Variants in PRR16 observed in about 807,000 individuals in gnomAD.
The protein encoded by PRR16 is proline rich 16.
Under a neutral mutation model 18.2 loss-of-function variants are expected in PRR16, and 6 were observed. That is an observed-to-expected ratio of 0.33 (90% CI 0.18 to 0.65). PRR16 has a LOEUF of 0.65. Among genes scored for constraint, PRR16 ranks in the 30% least tolerant of loss-of-function variants. The pLI is 0.74. For missense variants in PRR16, 412 were observed against 376.6 expected (o/e 1.09, Z -0.78); for synonymous variants, 151 against 147.8 (o/e 1.02, Z -0.16).
chr5:120,757,296 G>T, the PRR16 span, among the ~76,000 whole-genome samples: 1 of 152,012 alleles, frequency 6.6e-6, no homozygotes, highest in African/African-American at 2.4e-5. Flanking sequence ...CTTTGGCTAT[G>T]CAGGTTCTTT....
At chr5:120,738,879 A>G in the PRR16 span, among the ~76,000 whole-genome samples, 1 of 152,178 alleles carries the variant, frequency 6.6e-6, no homozygotes, top group African/African-American at 2.4e-5. Flanking sequence ...AAGATGAACT[A>G]AAAGGAACTG....
intron 1 of PRR16, among the ~76,000 whole-genome samples, chr5:120,469,479 T>C (rs1749201434): frequency 6.6e-6 from 1 of 150,480 alleles, no homozygotes; most frequent in African/African-American, 2.5e-5. Context: ...TGCGCCGCCA[T>C]GCCTGGCTAA....
At chr5:120,771,038 A>C in the PRR16 span, among the ~76,000 whole-genome samples, 1 of 151,406 alleles carries the variant, frequency 6.6e-6, no homozygotes, top group Non-Finnish European at 1.5e-5. Flanking sequence ...TTTAATTTTT[A>C]AGATAATATA....
At chr5:120,578,435 C>T (rs116026257) in intron 1 of PRR16, among the ~76,000 whole-genome samples, 31,063 of 151,978 alleles carry the variant, frequency 0.2, 3,859 homozygotes, top group Middle Eastern at 0.35. Flanking sequence ...TTGTGTTGTT[C>T]CCCTCTCTGT....
chr5:120,540,357 G>A (rs975539511), intron 1 of PRR16, among the ~76,000 whole-genome samples: 5 of 151,940 alleles, frequency 3.3e-5, no homozygotes, highest in Non-Finnish European at 7.4e-5. Context: ...CATGATTTTC[G>A]GGCTTGGTCT....
At chr5:120,626,323 CA>C (rs900104578) in intron 1 of PRR16, among the ~76,000 whole-genome samples, 115 of 151,858 alleles carry the variant, frequency 7.6e-4, no homozygotes, top group African/African-American at 2.5e-3. Flanking sequence ...GGATGAACCA[CA>C]AAAAAAGCCC....
At chr5:120,633,439 A>G (rs1218125397) in intron 1 of PRR16, among the ~76,000 whole-genome samples, 4 of 152,196 alleles carry the variant, frequency 2.6e-5, no homozygotes, top group Non-Finnish European at 5.9e-5. Context: ...AGAATGGATA[A>G]GAACTCGCCA....
intron 1 of PRR16, among the ~76,000 whole-genome samples, chr5:120,584,601 AT>A (rs1317789056): frequency 6.6e-6 from 1 of 152,084 alleles, no homozygotes; most frequent in South Asian, 2.1e-4. Context: ...TTCTTAAATC[AT>A]TTTTTTAGAT....
At chr5:120,607,391 AAAAC>A (rs1232749747) in intron 1 of PRR16, among the ~76,000 whole-genome samples, 1 of 152,222 alleles carries the variant, frequency 6.6e-6, no homozygotes, top group African/African-American at 2.4e-5. Flanking sequence ...GGAAGAAACT[AAAAC>A]AAACTTTTTA....
intron 1 of PRR16, among the ~76,000 whole-genome samples, chr5:120,633,898 T>A (rs1755142769): frequency 6.6e-6 from 1 of 151,836 alleles, no homozygotes; most frequent in Admixed American, 6.6e-5. Context: ...AGACAGAAAG[T>A]CAGCAAACAA....
At chr5:120,683,659 C>CACTTTTTAATTTAAT in intron 1 of PRR16, among the ~76,000 whole-genome samples, 1 of 152,010 alleles carries the variant, frequency 6.6e-6, no homozygotes, top group Non-Finnish European at 1.5e-5. Context: ...TAATTGTATG[C>CACTTTTTAATTTAAT]TACTGTACAT....
intron 1 of PRR16, among the ~76,000 whole-genome samples, chr5:120,521,062 C>G (rs1318099806): frequency 2.6e-5 from 4 of 152,066 alleles, no homozygotes; most frequent in Non-Finnish European, 5.9e-5. Context: ...TGGATACAGT[C>G]AATTCTAGTG....
At chr5:120,607,940 A>G (rs574543450) in intron 1 of PRR16, among the ~76,000 whole-genome samples, 3 of 152,024 alleles carry the variant, frequency 2.0e-5, no homozygotes, top group South Asian at 4.2e-4. Context: ...GTAGAGTTCT[A>G]CTCTTTTATA....
chr5:120,604,288 C>T (rs987563578), intron 1 of PRR16, among the ~76,000 whole-genome samples: 7 of 151,892 alleles, frequency 4.6e-5, no homozygotes, highest in African/African-American at 1.7e-4. Context: ...TTGAATTGAA[C>T]CCTTTATTAT....
chr5:120,525,636 TAGGC>T (rs1403808249), intron 1 of PRR16, among the ~76,000 whole-genome samples: 4 of 151,422 alleles, frequency 2.6e-5, no homozygotes, highest in Admixed American at 6.6e-5. Context: ...TTGTAACTCT[TAGGC>T]AGGAAATTCT....
At chr5:120,477,515 G>C (rs1052085067) in intron 1 of PRR16, among the ~76,000 whole-genome samples, 1 of 151,996 alleles carries the variant, frequency 6.6e-6, no homozygotes, top group African/African-American at 2.4e-5. Flanking sequence ...CTCTTTCACT[G>C]TTACCATCCT....
intron 1 of PRR16, among the ~76,000 whole-genome samples, chr5:120,512,705 A>G (rs796176900): frequency 1.4e-4 from 22 of 152,236 alleles, no homozygotes; most frequent in African/African-American, 5.3e-4. Context: ...CCTGTGTAAC[A>G]ATGAAGCCAT....
the PRR16 span, among the ~76,000 whole-genome samples, chr5:120,720,343 A>G: frequency 6.6e-6 from 1 of 152,010 alleles, no homozygotes; most frequent in African/African-American, 2.4e-5. Context: ...AAGGTTTATT[A>G]AATTTCCTTT....
the PRR16 span, among the ~76,000 whole-genome samples, chr5:120,754,639 A>T: frequency 7.9e-6 from 1 of 126,950 alleles, no homozygotes; most frequent in African/African-American, 3.0e-5. Flanking sequence ...ATAATATATA[A>T]AGTATTTATA....
Sources: gnomAD v4.1 joint callset for allele counts (sites outside exome capture counted in the v4.1 genomes callset) on GRCh38, gnomAD v4.1.1 for gene constraint, MANE v1.5 for transcripts, NCBI Gene and HGNC (gene_info 2026-07-23, HGNC 2026-07-21) for gene names.